The following ARSD variants were observed in gnomAD, a reference collection of about 807,000 sequenced individuals.
The protein encoded by ARSD is arylsulfatase D, also known as testis tissue sperm-binding protein Li 39a.
ARSD carries 21 observed loss-of-function variants against 32.6 expected under a neutral mutation model. The ratio of observed to expected loss-of-function variants is 0.64; its 90% confidence interval spans 0.46 to 0.93. The LOEUF (loss-of-function observed/expected upper bound fraction) is 0.93. Ranked by LOEUF, ARSD falls within the 40% of genes least tolerant of loss-of-function variation. The pLI, the probability that ARSD is intolerant of heterozygous loss-of-function variation, is 0.00. For missense variants in ARSD, 454 were observed against 520.9 expected (o/e 0.87, Z 1.25); for synonymous variants, 224 against 237.4 (o/e 0.94, Z 0.52).
At chrX:2,915,519 C>A in intron 6 of ARSD, 37 bp downstream of exon 6, 1 of 1,207,478 alleles carries the variant, frequency 8.3e-7, no homozygotes, top group Non-Finnish European at 1.1e-6. Flanking sequence ...AACCTGAGGC[C>A]GAGGGTGGAG....
At chrX:2,921,731 T>C (rs1245754924) in intron 3 of ARSD, among the ~76,000 whole-genome samples, 172 bp downstream of exon 3, 3 of 112,876 alleles carry the variant, frequency 2.7e-5, no homozygotes, top group African/African-American at 9.7e-5. Flanking sequence ...ACAACTTTTA[T>C]GTGTATGCAC....
rs1417687444 is a variant in ARSD at position 2,906,675 on chromosome X, G to A, written c.*596C>T. 1 of 112,576 alleles carries A rather than the reference G, an allele frequency of 8.9e-6. No homozygotes were observed. Among genetic ancestry groups the A allele is most frequent in the Non-Finnish European group, 1.9e-5 (1 of 53,588 alleles). The allele number at this position is 112,576 out of a possible 1,213,427, so 9.3% of individuals were successfully genotyped here. ...TTTTGTAAGGCTGTTATGTCATCTAGGTGATGAAATTGCAACAATGCTTTA... is the reference window on the plus strand; with the variant it reads ...TTTTGTAAGGCTGTTATGTCATCTAAGTGATGAAATTGCAACAATGCTTTA... On this transcript the variant is annotated 3_prime_UTR_variant, in exon 10 of 10. Coordinates refer to ENST00000381154, the MANE Select transcript of ARSD (RefSeq NM_001669.4).
intron 3 of ARSD, 76 bp from the exon 4 acceptor site, chrX:2,920,799 G>A (rs1274240084): frequency 1.7e-6 from 2 of 1,143,793 alleles, no homozygotes; most frequent in Middle Eastern, 3.4e-4. Context: ...GGGATTTGGT[G>A]TCTGAGATCT....
At chrX:2,915,520 G>A (rs371685289) in intron 6 of ARSD, 36 bp downstream of exon 6, 11 of 1,208,178 alleles carry the variant, frequency 9.1e-6, no homozygotes, top group East Asian at 8.9e-5. Flanking sequence ...ACCTGAGGCC[G>A]AGGGTGGAGT....
intron 4 of ARSD, 31 bp downstream of exon 4, chrX:2,920,570 C>T (rs754406759): frequency 3.3e-6 from 4 of 1,207,695 alleles, no homozygotes; most frequent in Non-Finnish European, 4.5e-6. Flanking sequence ...TCCCAACCAC[C>T]GTATAATGTG....
Position 2,918,052 on chromosome X carries a change from C to T in ARSD, c.615G>A (p.Gln205=), listed in dbSNP as rs373076877. ...GGGTGAGAATCCCCAGCGCCAGGAA[C>T]TGGGTGTAACCCCAGAGCTGCGCCC... The part of the protein sequence containing the change: ...ALRAQLWGYT[Q]FLALGILTLA... Residue 205 remains glutamine, a synonymous_variant, in exon 5 of 10, where the codon CAG becomes CAA. Coordinates refer to ENST00000381154, the MANE Select transcript of ARSD (RefSeq NM_001669.4). 14 of 1,202,678 alleles carry T rather than the reference C, an allele frequency of 1.2e-5. No individual in the cohort carries two copies. The highest frequency in any genetic ancestry group is 1.5e-5 in the Non-Finnish European group (13 of 890,719).
chrX:2,922,159 G>A, intron 2 of ARSD, 135 bp from the exon 3 acceptor site: 1 of 817,808 alleles, frequency 1.2e-6, no homozygotes, highest in Non-Finnish European at 1.7e-6. Context: ...ATGGTCTCCT[G>A]CAGCGGTAGA....
chrX:2,927,406 C>T (rs1369806699), intron 1 of ARSD, among the ~76,000 whole-genome samples: 1 of 110,458 alleles, frequency 9.1e-6, no homozygotes, highest in African/African-American at 3.3e-5. Flanking sequence ...ATCACAGGTG[C>T]CTGCCACCAC....
At chrX:2,919,732 G>T (rs1472145391) in intron 4 of ARSD, among the ~76,000 whole-genome samples, 2 of 111,719 alleles carry the variant, frequency 1.8e-5, no homozygotes, top group Non-Finnish European at 3.8e-5. Context: ...GGCAGTGAGT[G>T]CCTGCAGGAC....
At position 2,907,106 on chromosome X, in the gene ARSD, C is replaced by T; in HGVS notation, c.*165G>A. ...CATTCCAGCCTGAGGGACAGAGCGA[C>T]ACTCTGTCTCAAAAAAGAAAGAAAG... is the stretch of plus-strand genomic sequence containing the variant. On this transcript the variant is annotated 3_prime_UTR_variant, in exon 10 of 10. Transcript: ENST00000381154. 2.1e-6 allele frequency: 1 copy of T among 478,913 alleles called. No individual in the cohort carries two copies. Among genetic ancestry groups the T allele is most frequent in the African/African-American group, 2.6e-5 (1 of 38,363 alleles). 39.5% of individuals were successfully genotyped at this position (478,913 alleles called of 1,213,427 possible).
In ARSD at chrX:2,924,993, G is replaced by A. The variant is rs1190850093; in HGVS notation, c.194+623C>T. 2.3e-4 allele frequency among the ~76,000 whole-genome samples: 26 copies of A among 111,921 alleles called. 1 individual carries two copies. On this transcript the variant is annotated intron_variant, in intron 2 of 9. Coordinates refer to ENST00000381154, the MANE Select transcript of ARSD (RefSeq NM_001669.4). ...ATTAGGGCTCACCCTAAGGACCTCA[G>A]TTTAACTTAATTACCTCTTCAAAGA...
At chrX:2,920,882 C>G in intron 3 of ARSD, among the ~76,000 whole-genome samples, 159 bp from the exon 4 acceptor site, 1 of 112,052 alleles carries the variant, frequency 8.9e-6, no homozygotes, top group Middle Eastern at 4.6e-3. Flanking sequence ...CAATTATCTA[C>G]CCATCTATCG....
chrX:2,922,213 ATC>A (rs776777408), intron 2 of ARSD, among the ~76,000 whole-genome samples, 189 bp from the exon 3 acceptor site: 51 of 105,260 alleles, frequency 4.8e-4, no homozygotes, highest in Admixed American at 5.1e-4. Context: ...GATGGATGAC[ATC>A]TCTCTCTCTC....
At chrX:2,911,826 T>A in intron 6 of ARSD, among the ~76,000 whole-genome samples, 1 of 110,559 alleles carries the variant, frequency 9.0e-6, no homozygotes, top group Non-Finnish European at 1.9e-5. Flanking sequence ...AGCATTCACA[T>A]TGAAACAGAG....
At chrX:2,908,884 G>T (rs1397978022) in intron 8 of ARSD, 42 bp from the exon 9 acceptor site, 1 of 1,208,543 alleles carries the variant, frequency 8.3e-7, no homozygotes, top group Non-Finnish European at 1.1e-6. Context: ...CAGACCACGG[G>T]TTCCCAGGCA....
chrX:2,909,669 G>A lies in ARSD; in HGVS notation c.1298+148C>T, dbSNP rs182753181. Reference sequence around the variant, plus strand: ...ATTGCACTCCAGCCTGGGCAAGAGTGTGAGACTCTGTCTCAAAAAAAAAAA... The same window carrying A: ...ATTGCACTCCAGCCTGGGCAAGAGTATGAGACTCTGTCTCAAAAAAAAAAA... On this transcript the variant is annotated intron_variant, in intron 8 of 9. Coordinates refer to ENST00000381154, the MANE Select transcript of ARSD (RefSeq NM_001669.4). The A allele has an allele frequency of 2.1e-4, 131 of 610,165 alleles. No individual in the cohort carries two copies. In the East Asian group the frequency reaches 5.3e-3, roughly 25 times the overall value. 50.3% of individuals were successfully genotyped at this position (610,165 alleles called of 1,213,427 possible). A position where few individuals can be genotyped will look rare whatever the true frequency, so the allele number is the denominator to read the frequency against.
chrX:2,907,389 A>C lies in ARSD; in HGVS notation c.1664T>G (p.Leu555Arg). The C allele has an allele frequency of 8.3e-7, 1 of 1,212,103 alleles. No homozygotes were observed. Among genetic ancestry groups the C allele is most frequent in the Non-Finnish European group, 1.1e-6 (1 of 895,591 alleles). ...GAAVSEHRQTLSPVPQQFSMS... is the reference protein window; with the variant it reads ...GAAVSEHRQTRSPVPQQFSMS... ...GGAAAACTGCTGGGGCACAGGACTCAGGGTCTGCCGATGCTCCGACACCGC... is the reference window on the plus strand; with the variant it reads ...GGAAAACTGCTGGGGCACAGGACTCCGGGTCTGCCGATGCTCCGACACCGC... The change falls in exon 10 of 10, where the codon CTG becomes CGG. Residue 555 changes from leucine to arginine, a missense_variant. By Grantham distance (102) the Leu-to-Arg change is moderately radical. Coordinates refer to ENST00000381154, the MANE Select transcript of ARSD (RefSeq NM_001669.4).
Position 2,907,625 on chromosome X carries a change from G to A in ARSD, c.1428C>T (p.Ser476=), listed in dbSNP as rs2088863337. The part of the protein sequence containing the change: ...AARWHQKDSG[S]VWKVHYTTPQ... ...GGGTCGTGTAATGAACCTTCCAGAC[G>A]CTTCCACCTGGATGCAGACAAGAAG... The change falls in exon 10 of 10, where the codon AGC becomes AGT. Residue 476 remains serine, a synonymous_variant. Transcript: ENST00000381154. 1.8e-6 allele frequency: 2 copies of A among 1,102,672 alleles called. No homozygotes were observed. Among genetic ancestry groups the A allele is most frequent in the South Asian group, 2.3e-5 (1 of 42,780 alleles). 90.9% of individuals were successfully genotyped at this position (1,102,672 alleles called of 1,213,427 possible).
chrX:2,908,574 A>G, intron 9 of ARSD, 147 bp downstream of exon 9: 3 of 369,920 alleles, frequency 8.1e-6, no homozygotes, highest in Non-Finnish European at 1.2e-5. Flanking sequence ...TCATCGGTTT[A>G]TCTATCTCTA....
Sources: gnomAD v4.1 joint callset for allele counts (sites outside exome capture counted in the v4.1 genomes callset) on GRCh38, gnomAD v4.1.1 for gene constraint, MANE v1.5 for transcripts, NCBI Gene and HGNC (gene_info 2026-07-23, HGNC 2026-07-21) for gene names.